GRM4: variants seen among roughly 807,000 people sequenced by gnomAD.
GRM4 encodes metabotropic glutamate receptor 4.
A neutral mutation model predicts 81.7 loss-of-function variants in GRM4; 28 were observed. That is an observed-to-expected ratio of 0.34 (90% confidence interval 0.25 to 0.47). The LOEUF (loss-of-function observed/expected upper bound fraction) is 0.47, where lower values mean the gene tolerates loss of function less well. Ranked by LOEUF, GRM4 falls within the 20% of genes least tolerant of loss-of-function variation. GRM4 has a pLI of 1.00. For synonymous variants in GRM4, 488 were observed against 528.8 expected (o/e 0.92, Z 1.06); for missense variants, 948 against 1,290.0 (o/e 0.73, Z 4.06).
At chr6:34,154,590 TACACACACACACACACAC>T (rs57603011) in intron 1 of GRM4, among the ~76,000 whole-genome samples, 1 of 144,998 alleles carries the variant, frequency 6.9e-6, no homozygotes, top group African/African-American at 2.6e-5. Flanking sequence ...TGGTCCTGAC[TACACACACACACACACAC>T]ACACACACAC....
In GRM4 at chr6:34,080,837, C is replaced by A; in HGVS notation, c.736+11046G>T. ...CTCTTCTCTCTCTCTCTCTCACACA[C>A]ACACACACATACACACACACATACA... On this transcript the variant is annotated intron_variant, in intron 3 of 10. Transcript: ENST00000538487. The surrounding 1 kb of genome is among the most constrained non-coding windows in gnomAD (Gnocchi z 5.4). Among the ~76,000 whole-genome samples the A allele has an allele frequency of 7.4e-6, 1 of 134,646 alleles. No individual in the cohort carries two copies. The highest frequency in any genetic ancestry group is 1.5e-5 in the Non-Finnish European group (1 of 66,050). The allele number at this position is 134,646 out of a possible 152,430, so 88.3% of individuals were successfully genotyped here.
intron 2 of GRM4, 117 bp downstream of exon 2, chr6:34,132,861 T>C (rs1442499948): frequency 2.5e-6 from 2 of 795,876 alleles, no homozygotes; most frequent in Non-Finnish European, 4.0e-6. Flanking sequence ...AACTGTCCCT[T>C]AGAGTGAGGA....
chr6:34,086,769 A>C (rs1157847248), intron 3 of GRM4, among the ~76,000 whole-genome samples: 1 of 152,214 alleles, frequency 6.6e-6, no homozygotes, highest in Admixed American at 6.5e-5. Flanking sequence ...GCCTCTGTTT[A>C]GCCATTGGTA....
At chr6:34,155,552 G>T (rs1274243225) in exon 1 of GRM4, 5 of 512,018 alleles carry the variant, frequency 9.8e-6, no homozygotes, top group Non-Finnish European at 1.7e-5. Context: ...GACAGACAGG[G>T]TCTCGCCATG....
chr6:34,074,143 G>A lies in GRM4; in HGVS notation c.737-12115C>T, dbSNP rs1767183060. The stretch of plus-strand genomic sequence containing the variant: ...GGGCGCCGATGGGGAAGAAGAGGGG[G>A]ACACAGACATACGACAGCCAGACTA... On this transcript the variant is annotated intron_variant, in intron 3 of 10. Transcript: ENST00000538487. The surrounding 1 kb of genome is among the most constrained non-coding windows in gnomAD (Gnocchi z 4.9). Among the ~76,000 whole-genome samples, 1 of 152,000 alleles carries A rather than the reference G, an allele frequency of 6.6e-6. No homozygotes were observed. The highest frequency in any genetic ancestry group is 2.1e-4 in the South Asian group (1 of 4,826).
Position 34,111,909 on chromosome 6 carries a change from C to A in GRM4, c.520-19810G>T, listed in dbSNP as rs1271400481. ...AGACGCACCCCCACCTGTTCCATTT[C>A]CTGATTGTCCAGATCTTATTGAGGT... is the stretch of plus-strand genomic sequence containing the variant. On this transcript the variant is annotated intron_variant, in intron 2 of 10. Transcript: ENST00000538487. The surrounding 1 kb of genome is among the most constrained non-coding windows in gnomAD (Gnocchi z 5.1). Among the ~76,000 whole-genome samples the A allele has an allele frequency of 2.0e-5, 3 of 152,078 alleles. No individual in the cohort carries two copies. The highest frequency in any genetic ancestry group is 4.4e-5 in the Non-Finnish European group (3 of 68,024).
In GRM4 at chr6:34,036,228, C is replaced by G; in HGVS notation, c.1882G>C (p.Val628Leu). 1 of 1,614,128 alleles carries G rather than the reference C, an allele frequency of 6.2e-7. No individual in the cohort carries two copies. Among genetic ancestry groups the G allele is most frequent in the Non-Finnish European group, 8.5e-7 (1 of 1,179,986 alleles). The change falls in exon 9 of 11, where the codon GTG becomes CTG. Residue 628 changes from valine to leucine, a missense_variant. Coordinates refer to ENST00000538487, the MANE Select transcript of GRM4 (RefSeq NM_000841.4). The surrounding 1 kb of genome is among the most constrained non-coding windows in gnomAD (Gnocchi z 9.0). Reference protein sequence around the residue: ...VKASGRELSYVLLAGIFLCYA... With the variant: ...VKASGRELSYLLLAGIFLCYA... ...CACAGGAAGATGCCTGCCAGCAGCA[C>G]GTAGCTCAGTTCACGGCCCGAGGCC...
chr6:34,148,434 A>C (rs556614722), upstream of GRM4, among the ~76,000 whole-genome samples: 10 of 152,100 alleles, frequency 6.6e-5, no homozygotes, highest in African/African-American at 2.4e-4. Flanking sequence ...ACACACACTG[A>C]GAGACACACA....
At chr6:34,100,179 G>T in intron 2 of GRM4, 1 of 303,160 alleles carries the variant, frequency 3.3e-6, no homozygotes, top group Non-Finnish European at 4.9e-6. Flanking sequence ...CCTTGGGCCA[G>T]CCCAGACTCA....
At chr6:34,147,763 C>T (rs1770967450), upstream of GRM4, among the ~76,000 whole-genome samples, 1 of 152,140 alleles carries the variant, frequency 6.6e-6, no homozygotes, top group Non-Finnish European at 1.5e-5. Flanking sequence ...GGGCTAGTGA[C>T]TGGGGCCCTA....
upstream of GRM4, among the ~76,000 whole-genome samples, chr6:34,150,619 C>T (rs1771026406): frequency 6.6e-6 from 1 of 152,080 alleles, no homozygotes; most frequent in Non-Finnish European, 1.5e-5. Flanking sequence ...CTTTCCTTCC[C>T]CAGCCTCAGT....
chr6:34,096,058 G>A (rs1381417179), intron 2 of GRM4, among the ~76,000 whole-genome samples: 1 of 152,180 alleles, frequency 6.6e-6, no homozygotes, highest in East Asian at 1.9e-4. Flanking sequence ...AGGGAATGGT[G>A]CCCGCCCTGG....
At chr6:34,147,154 G>A (rs952654250), upstream of GRM4, among the ~76,000 whole-genome samples, 7 of 152,072 alleles carry the variant, frequency 4.6e-5, no homozygotes, top group East Asian at 3.9e-4. Context: ...TTACCCAATC[G>A]GTCTGAAGTC....
rs1228832102 is a variant in GRM4 at position 34,030,953 on chromosome 6, G to A, written c.2443-2587C>T. ...CACAGCAGGAGTGGGGCTGCCCACC[G>A]CCAGTTCTGCTCCTTGCCCCAGGGT... On this transcript the variant is annotated intron_variant, in intron 9 of 10. Coordinates refer to ENST00000538487, the MANE Select transcript of GRM4 (RefSeq NM_000841.4). Among the ~76,000 whole-genome samples the A allele has an allele frequency of 3.3e-5, 5 of 152,308 alleles. No homozygotes were observed. In the East Asian group the frequency reaches 9.6e-4, roughly 29 times the overall value.
At position 34,069,647 on chromosome 6, in the gene GRM4, AGTGTGTGTGTGTGTGTGTGTGT is replaced by A. The variant is rs3222082; in HGVS notation, c.737-7641_737-7620del. Among the ~76,000 whole-genome samples, 353 of 144,498 alleles carry A rather than the reference AGTGTGTGTGTGTGTGTGTGTGT, an allele frequency of 2.4e-3. No homozygotes were observed. Among genetic ancestry groups the A allele is most frequent in the South Asian group, 0.011 (48 of 4,330 alleles). The allele number at this position is 144,498 out of a possible 152,430, so 94.8% of individuals were successfully genotyped here. A position where few individuals can be genotyped will look rare whatever the true frequency, so the allele number is the denominator to read the frequency against. ...GGCTTTACAACCCTTGGCAGCCCCCAGTGTGTGTGTGTGTGTGTGTGTGTGTGTGTGTGTGTGTGTGACCCTG... is the reference window on the plus strand; with the variant it reads ...GGCTTTACAACCCTTGGCAGCCCCCAGTGTGTGTGTGTGTGTGTGACCCTG... On this transcript the variant is annotated intron_variant, in intron 3 of 10. Transcript: ENST00000538487. The surrounding 1 kb of genome is among the most constrained non-coding windows in gnomAD (Gnocchi z 6.4).
At chr6:34,027,139 T>C (rs116854579) in intron 10 of GRM4, among the ~76,000 whole-genome samples, 1,701 of 152,144 alleles carry the variant, frequency 0.011, 16 homozygotes, top group East Asian at 0.026. Flanking sequence ...GGGAAGCTGG[T>C]GTTCTGTGGG....
intron 6 of GRM4, 104 bp downstream of exon 6, chr6:34,056,430 TGCCACGGCCG>T (rs1402944670): frequency 6.3e-6 from 6 of 944,926 alleles, no homozygotes; most frequent in East Asian, 5.8e-5. Context: ...CTGCACGTCC[TGCCACGGCCG>T]GCCGACGACA....
chr6:34,125,618 G>C (rs918717057), intron 2 of GRM4, among the ~76,000 whole-genome samples: 1 of 152,232 alleles, frequency 6.6e-6, no homozygotes, highest in Non-Finnish European at 1.5e-5. Context: ...CACAGGGAAG[G>C]GCCTGCCCAA....
chr6:34,142,841 G>T (rs891880831), intron 1 of GRM4, among the ~76,000 whole-genome samples: 1 of 152,192 alleles, frequency 6.6e-6, no homozygotes, highest in African/African-American at 2.4e-5. Flanking sequence ...GAGGAGGAGC[G>T]GCCTACGCAA....
Sources: allele counts gnomAD v4.1 joint callset (sites outside exome capture counted in the v4.1 genomes callset), GRCh38; gene constraint gnomAD v4.1.1; non-coding constraint Gnocchi (gnomAD v3.1); transcripts MANE v1.5; gene names NCBI Gene and HGNC (gene_info 2026-07-23, HGNC 2026-07-21).